The following ZC3H7B variants were observed in gnomAD, a reference collection of about 807,000 sequenced individuals.
ZC3H7B encodes the protein zinc finger CCCH-type containing 7B, also known as zinc finger CCCH domain-containing protein 7B.
A neutral mutation model predicts 116.0 loss-of-function variants in ZC3H7B; 35 were observed. The observed-to-expected ratio is 0.30, with a 90% CI of 0.23 to 0.40. The LOEUF (loss-of-function observed/expected upper bound fraction) is 0.40. ZC3H7B is among the 10% of genes least tolerant of loss of function. The probability of loss-of-function intolerance (pLI) is 1.00; values close to 1 mark genes in which losing one functional copy is unlikely to be tolerated. For missense variants in ZC3H7B, 1,011 were observed against 1,321.5 expected, an observed-to-expected ratio of 0.77 and a Z score of 3.64; for synonymous variants, 502 against 545.6, an observed-to-expected ratio of 0.92 and a Z score of 1.11.
chr22:41,305,253 G>A (rs1393030435), intron 1 of ZC3H7B, among the ~76,000 whole-genome samples: 6 of 151,980 alleles, frequency 3.9e-5, no homozygotes, highest in Non-Finnish European at 8.8e-5. Context: ...GCTGAGGCAG[G>A]AGAATTGCTT....
Position 41,357,522 on chromosome 22 carries a change from G to A in ZC3H7B, c.*93G>A. 2 of 873,842 alleles carry A rather than the reference G, an allele frequency of 2.3e-6. No homozygotes were observed. The highest frequency in any genetic ancestry group is 3.0e-5 in the South Asian group (2 of 66,106). 54.1% of individuals were successfully genotyped at this position (873,842 alleles called of 1,614,324 possible). A position where few individuals can be genotyped will look rare whatever the true frequency, so the allele number is the denominator to read the frequency against. On this transcript the variant is annotated 3_prime_UTR_variant, in exon 23 of 23. Transcript: ENST00000352645. The surrounding 1 kb of genome is among the most constrained non-coding windows in gnomAD (Gnocchi z 5.4). ...AAGGGTCAGGGCAGGCCAGGGGGGT[G>A]GGGGGCCGCCCTCATCAGGCAGCCC...
At chr22:41,354,971 C>T (rs2036695330) in intron 17 of ZC3H7B, among the ~76,000 whole-genome samples, 2 of 152,212 alleles carry the variant, frequency 1.3e-5, no homozygotes, top group South Asian at 4.1e-4. Flanking sequence ...ACAGGTTCGG[C>T]ACTCATAGAC....
rs2036649068 is a variant in ZC3H7B at position 41,351,108 on chromosome 22, G to A, written c.1949-453G>A. Among the ~76,000 whole-genome samples, 1 of 152,190 alleles carries A rather than the reference G, an allele frequency of 6.6e-6. No homozygotes were observed. The highest frequency in any genetic ancestry group is 2.1e-4 in the South Asian group (1 of 4,832). The stretch of plus-strand genomic sequence containing the variant: ...TGGGGACTGGCAGTAAAGAGCCGTG[G>A]TACCACAGTGAACCGGTGAGCCAGG... On this transcript the variant is annotated intron_variant, in intron 16 of 22. Coordinates refer to ENST00000352645, the MANE Select transcript of ZC3H7B (RefSeq NM_017590.6). The surrounding 1 kb of genome is among the most constrained non-coding windows in gnomAD (Gnocchi z 5.1).
chr22:41,318,046 A>G (rs1051117891), intron 1 of ZC3H7B, among the ~76,000 whole-genome samples: 1 of 152,160 alleles, frequency 6.6e-6, no homozygotes, highest in South Asian at 2.1e-4. Flanking sequence ...ATTTTTTTGT[A>G]GAGCAAAGCT....
At position 41,357,279 on chromosome 22, in the gene ZC3H7B, G is replaced by T; in HGVS notation, c.2784G>T (p.Gln928His). The T allele has an allele frequency of 6.2e-7, 1 of 1,613,884 alleles. No individual in the cohort carries two copies. ...TGGACCGGCGCGAGGTGCTGAAGCA[G>T]AAGTTGGCCAAGGCTCGCAAGGACA... ...EWLDRREVLKQKLAKARKDML... is the reference protein window; with the variant it reads ...EWLDRREVLKHKLAKARKDML... The change falls in exon 23 of 23, where the codon CAG becomes CAT. Residue 928 changes from glutamine (Q) to histidine (H), a missense_variant. By Grantham distance (24) the Gln-to-His change is conservative. Transcript: ENST00000352645. The surrounding 1 kb of genome is among the most constrained non-coding windows in gnomAD (Gnocchi z 5.4).
intron 4 of ZC3H7B, among the ~76,000 whole-genome samples, chr22:41,326,186 AGT>A: frequency 6.6e-6 from 1 of 152,328 alleles, no homozygotes; most frequent in Admixed American, 6.5e-5. Flanking sequence ...CCCTAGATGA[AGT>A]AAGTTAGAAT....
intron 9 of ZC3H7B, 128 bp downstream of exon 9, chr22:41,339,319 T>C: frequency 1.7e-6 from 2 of 1,170,778 alleles, no homozygotes; most frequent in South Asian, 3.6e-5. Flanking sequence ...CAGTAGGGAC[T>C]TGTTTGGTAC....
In ZC3H7B at chr22:41,302,083, C is replaced by T. The variant is rs2035973714; in HGVS notation, c.-7+311C>T. On this transcript the variant is annotated intron_variant, in intron 1 of 22. Transcript: ENST00000352645. This position sits in a 1 kb window ranked among gnomAD's most constrained non-coding sequence, Gnocchi z 5.7. The stretch of plus-strand genomic sequence containing the variant: ...GGGGAGACTTGGCCGCCCCTGCAGC[C>T]CCCAGGAGGTGTCTTGAAATTTTCG... 6.6e-6 allele frequency among the ~76,000 whole-genome samples: 1 copy of T among 152,116 alleles called. No homozygotes were observed. Among genetic ancestry groups the T allele is most frequent in the South Asian group, 2.1e-4 (1 of 4,832 alleles).
chr22:41,344,194 C>T (rs1161337860), intron 13 of ZC3H7B, among the ~76,000 whole-genome samples: 1 of 152,232 alleles, frequency 6.6e-6, no homozygotes, highest in Admixed American at 6.5e-5. Context: ...CATGCAGCCT[C>T]ACAGCTCTGG....
intron 19 of ZC3H7B, 30 bp from the exon 20 acceptor site, chr22:41,355,924 T>C (rs754582287): frequency 4.4e-6 from 7 of 1,604,342 alleles, no homozygotes; most frequent in Non-Finnish European, 1.7e-6. Flanking sequence ...CCAGCGGGAC[T>C]CAGAGGATCT....
intron 1 of ZC3H7B, among the ~76,000 whole-genome samples, chr22:41,312,006 G>A (rs1411985518): frequency 6.6e-6 from 1 of 151,790 alleles, no homozygotes; most frequent in Admixed American, 6.6e-5. Flanking sequence ...AGACATTAAG[G>A]TTGCTTCTAG....
At chr22:41,317,223 A>G (rs1005748531) in intron 1 of ZC3H7B, among the ~76,000 whole-genome samples, 4 of 151,720 alleles carry the variant, frequency 2.6e-5, no homozygotes, top group Non-Finnish European at 5.9e-5. Flanking sequence ...CAGGTGATCC[A>G]CCCACCTCGG....
At chr22:41,330,450 CTGTT>C (rs764964536) in intron 6 of ZC3H7B, among the ~76,000 whole-genome samples, 26 of 152,206 alleles carry the variant, frequency 1.7e-4, no homozygotes, top group Admixed American at 3.3e-4. Context: ...GTGTTGGTAT[CTGTT>C]TGGCTGGTTC....
chr22:41,323,993 C>A (rs2036288376), intron 2 of ZC3H7B, among the ~76,000 whole-genome samples: 1 of 152,018 alleles, frequency 6.6e-6, no homozygotes, highest in Admixed American at 6.6e-5. Flanking sequence ...TGGCGTGAAC[C>A]CGGGAGGTGG....
At chr22:41,329,444 A>C (rs559200716) in intron 5 of ZC3H7B, among the ~76,000 whole-genome samples, 31 of 152,010 alleles carry the variant, frequency 2.0e-4, no homozygotes, top group African/African-American at 7.0e-4. Flanking sequence ...TTTTTGGTAG[A>C]GATGGGGTTT....
rs554161064 is a variant in ZC3H7B at position 41,356,659 on chromosome 22, C to T, written c.2532C>T (p.Cys844=). ...DYADIMMGYH[C]WLCGKNSNSK... Reference sequence around the variant, plus strand: ...TGTGCTCCCAGATGGGCTACCACTGCTGGCTCTGCGGCAAGAACAGCAACA... The same window carrying T: ...TGTGCTCCCAGATGGGCTACCACTGTTGGCTCTGCGGCAAGAACAGCAACA... Residue 844 remains cysteine (C), a synonymous_variant, in exon 22 of 23, where the codon TGC becomes TGT. Coordinates refer to ENST00000352645, the MANE Select transcript of ZC3H7B (RefSeq NM_017590.6). 2 of 1,613,556 alleles carry T rather than the reference C, an allele frequency of 1.2e-6. No individual in the cohort carries two copies. The highest frequency in any genetic ancestry group is 3.3e-5 in the Admixed American group (2 of 60,028).
intron 1 of ZC3H7B, among the ~76,000 whole-genome samples, chr22:41,315,686 G>A (rs1337844643): frequency 6.6e-6 from 1 of 152,132 alleles, no homozygotes; most frequent in East Asian, 1.9e-4. Context: ...ACCTCACTGT[G>A]TCCTCACATG....
chr22:41,345,445 C>T (rs1280754274), intron 13 of ZC3H7B, among the ~76,000 whole-genome samples: 3 of 151,930 alleles, frequency 2.0e-5, no homozygotes, highest in Non-Finnish European at 4.4e-5. Context: ...ATTAGCCGGG[C>T]GTGGTGGCGG....
In ZC3H7B at chr22:41,327,072, C is replaced by T; in HGVS notation, c.286-134C>T. ...TCTCTCCTGGAGCCTCGAGCCCTGT[C>T]CCTGACCCAAGACTTCAGCTCCTCT... On this transcript the variant is annotated intron_variant, in intron 4 of 22. Coordinates refer to ENST00000352645, the MANE Select transcript of ZC3H7B (RefSeq NM_017590.6). This position sits in a 1 kb window ranked among gnomAD's most constrained non-coding sequence, Gnocchi z 4.5. 7.6e-7 allele frequency: 1 copy of T among 1,313,226 alleles called. No individual in the cohort carries two copies. Among genetic ancestry groups the T allele is most frequent in the Non-Finnish European group, 1.0e-6 (1 of 966,782 alleles). The allele number at this position is 1,313,226 out of a possible 1,614,324, so 81.3% of individuals were successfully genotyped here. A position where few individuals can be genotyped will look rare whatever the true frequency, so the allele number is the denominator to read the frequency against.
Sources: gnomAD v4.1 joint callset for allele counts (sites outside exome capture counted in the v4.1 genomes callset) on GRCh38, gnomAD v4.1.1 for gene constraint, Gnocchi (gnomAD v3.1) non-coding constraint, MANE v1.5 for transcripts, NCBI Gene and HGNC (gene_info 2026-07-23, HGNC 2026-07-21) for gene names.